Variants in HDAC4 observed in about 807,000 individuals in gnomAD.
HDAC4 encodes the protein histone deacetylase A.
Under a neutral mutation model 135.1 loss-of-function variants are expected in HDAC4, and 16 were observed. That is an observed-to-expected ratio of 0.12 (90% CI 0.08 to 0.18). The LOEUF is 0.18. Ranked by LOEUF, HDAC4 falls within the 10% of genes least tolerant of loss-of-function variation. HDAC4 has a pLI of 1.00. For missense variants in HDAC4, 1,143 were observed against 1,511.8 expected, an observed-to-expected ratio of 0.76 and a Z score of 4.05; for synonymous variants, 685 against 653.4, an observed-to-expected ratio of 1.05 and a Z score of -0.74.
chr2:239,103,337 G>A (rs980451482), intron 15 of HDAC4, among the ~76,000 whole-genome samples: 5 of 152,064 alleles, frequency 3.3e-5, no homozygotes, highest in Admixed American at 6.6e-5. Context: ...TGGACCGCCC[G>A]GGGCCACAGC....
intron 7 of HDAC4, among the ~76,000 whole-genome samples, chr2:239,151,545 T>A (rs1165562226): frequency 6.6e-6 from 1 of 152,084 alleles, no homozygotes; most frequent in Non-Finnish European, 1.5e-5. Context: ...TGAACACTTT[T>A]CAAGCCTGAC....
chr2:239,165,243 C>T (rs73002047), intron 5 of HDAC4, among the ~76,000 whole-genome samples: 7,732 of 152,096 alleles, frequency 0.051, 275 homozygotes, highest in South Asian at 0.1. Context: ...AAAAGAAAAA[C>T]GAAACTTCTC....
rs1448906537 is a variant in HDAC4, at chr2:239,050,514, G to C, written c.*2583C>G. ...TTCAGAGCAAAGAGTGGCCACCAGG[G>C]AGGGGAAAGTCAAACAAGTCCCAAG... On this transcript the variant is annotated 3_prime_UTR_variant, in exon 27 of 27. Coordinates refer to ENST00000543185, the MANE Select transcript of HDAC4 (RefSeq NM_001378414.1). 1 of 152,600 alleles carries C rather than the reference G, an allele frequency of 6.6e-6. No homozygotes were observed. The highest frequency in any genetic ancestry group is 2.4e-5 in the African/African-American group (1 of 41,424). The allele number at this position is 152,600 out of a possible 1,614,324, so 9.5% of individuals were successfully genotyped here.
At chr2:239,160,645 G>A (rs145029700) in intron 6 of HDAC4, among the ~76,000 whole-genome samples, 8 of 152,388 alleles carry the variant, frequency 5.2e-5, no homozygotes, top group Admixed American at 2.0e-4. Context: ...CCAGCGGTCC[G>A]TTCCTTGTCA....
chr2:239,173,050 T>G (rs905838355), intron 5 of HDAC4, among the ~76,000 whole-genome samples: 3 of 152,204 alleles, frequency 2.0e-5, no homozygotes, highest in Non-Finnish European at 2.9e-5. Flanking sequence ...TTAAGATGGC[T>G]TTAGCAGTAA....
chr2:239,187,392 G>A (rs969524995), intron 4 of HDAC4, among the ~76,000 whole-genome samples: 3 of 152,312 alleles, frequency 2.0e-5, no homozygotes, highest in East Asian at 1.9e-4. Flanking sequence ...AGCCTATGGC[G>A]CAAAAACTAA....
chr2:239,344,449 A>G (rs539164571), intron 2 of HDAC4, among the ~76,000 whole-genome samples: 28 of 152,308 alleles, frequency 1.8e-4, no homozygotes, highest in Non-Finnish European at 3.7e-4. Flanking sequence ...CAAACCATCA[A>G]TGCTCCATTG....
intron 2 of HDAC4, chr2:239,298,428 G>A: frequency 8.6e-7 from 1 of 1,167,040 alleles, no homozygotes; most frequent in Non-Finnish European, 1.1e-6. Context: ...TGAAGTTCAA[G>A]TGCATGCACA....
At chr2:239,160,669 G>A (rs2042734890) in intron 6 of HDAC4, among the ~76,000 whole-genome samples, 1 of 152,214 alleles carries the variant, frequency 6.6e-6, no homozygotes, top group Non-Finnish European at 1.5e-5. Flanking sequence ...CGGAGTAGCA[G>A]TGCAGGGGCC....
intron 2 of HDAC4, among the ~76,000 whole-genome samples, chr2:239,293,262 G>A (rs371932274): frequency 5.9e-5 from 9 of 152,310 alleles, no homozygotes; most frequent in East Asian, 3.9e-4. Flanking sequence ...TTCTCTACTC[G>A]GGAGCTTCCC....
intron 12 of HDAC4, among the ~76,000 whole-genome samples, chr2:239,125,357 C>T (rs999100150): frequency 6.6e-6 from 1 of 152,202 alleles, no homozygotes; most frequent in Non-Finnish European, 1.5e-5. Flanking sequence ...GCCCGCTCCC[C>T]CTTCGCCTAC....
At chr2:239,166,234 T>A (rs2043115327) in intron 5 of HDAC4, among the ~76,000 whole-genome samples, 1 of 152,146 alleles carries the variant, frequency 6.6e-6, no homozygotes, top group East Asian at 1.9e-4. Context: ...GGAAACAGGG[T>A]CTACCCAGGC....
In HDAC4 at chr2:239,124,066, G is replaced by A. The variant is rs780662511; in HGVS notation, c.1533+2390C>T. Among the ~76,000 whole-genome samples, 12 of 152,112 alleles carry A rather than the reference G, an allele frequency of 7.9e-5. No homozygotes were observed. The East Asian group carries it at 1.5e-3, about 20-fold the overall frequency. The stretch of plus-strand genomic sequence containing the variant: ...AGACAATAAACGGAGAAATGATTCC[G>A]TCTGTCGCCAAATCTGCCAAAGGTT... On this transcript the variant is annotated intron_variant, in intron 12 of 26. Coordinates refer to ENST00000543185, the MANE Select transcript of HDAC4 (RefSeq NM_001378414.1).
chr2:239,064,645 A>G (rs2033235958), intron 24 of HDAC4, among the ~76,000 whole-genome samples: 2 of 152,230 alleles, frequency 1.3e-5, no homozygotes, highest in Non-Finnish European at 2.9e-5. Context: ...CCCAGTTAGC[A>G]GCGAGTTACC....
intron 15 of HDAC4, among the ~76,000 whole-genome samples, chr2:239,103,844 C>T (rs1238553710): frequency 6.6e-6 from 1 of 152,274 alleles, no homozygotes; most frequent in African/African-American, 2.4e-5. Context: ...TCCTGCAGGA[C>T]GCATTGCACC....
At chr2:239,364,969 G>T (rs547460536) in intron 1 of HDAC4, among the ~76,000 whole-genome samples, 1 of 152,194 alleles carries the variant, frequency 6.6e-6, no homozygotes. Flanking sequence ...AGAAAAAACA[G>T]GGAATTCCCA....
chr2:239,395,547 T>C (rs544125139), intron 1 of HDAC4, among the ~76,000 whole-genome samples: 7 of 152,372 alleles, frequency 4.6e-5, no homozygotes, highest in Admixed American at 2.0e-4. Context: ...AAATTACTAC[T>C]GTAAAAAAGT....
chr2:239,220,829 A>G (rs1209428209), intron 3 of HDAC4, among the ~76,000 whole-genome samples: 2 of 152,236 alleles, frequency 1.3e-5, no homozygotes, highest in African/African-American at 4.8e-5. Flanking sequence ...TTGTGAATTT[A>G]AAAGATAATT....
chr2:239,289,925 A>C (rs1387948982), intron 2 of HDAC4, among the ~76,000 whole-genome samples: 1 of 152,256 alleles, frequency 6.6e-6, no homozygotes, highest in Non-Finnish European at 1.5e-5. Flanking sequence ...ACCACTTCCT[A>C]AATTTTAAAA....
Sources: gnomAD v4.1 joint callset for allele counts (sites outside exome capture counted in the v4.1 genomes callset) on GRCh38, gnomAD v4.1.1 for gene constraint, MANE v1.5 for transcripts, NCBI Gene and HGNC (gene_info 2026-07-23, HGNC 2026-07-21) for gene names.